Variants in FRAS1 observed in about 807,000 individuals in gnomAD.
FRAS1 encodes the protein Fraser extracellular matrix complex subunit 1, also known as extracellular matrix organizing protein FRAS1.
Under a neutral mutation model 435.2 loss-of-function variants are expected in FRAS1, and 290 were observed. The ratio of observed to expected loss-of-function variants is 0.67; its 90% CI spans 0.61 to 0.73. The LOEUF (loss-of-function observed/expected upper bound fraction) is 0.73, where lower values mean the gene tolerates loss of function less well. Ranked by LOEUF, FRAS1 falls within the 30% of genes least tolerant of loss-of-function variation. FRAS1 has a pLI of 0.00. For missense variants in FRAS1, 4,860 were observed against 5,001.5 expected (o/e 0.97, Z 0.85); for synonymous variants, 1,800 against 1,851.0 (o/e 0.97, Z 0.71).
chr4:78,240,863 A>G (rs1724972613), intron 3 of FRAS1, among the ~76,000 whole-genome samples: 1 of 152,204 alleles, frequency 6.6e-6, no homozygotes, highest in South Asian at 2.1e-4. Context: ...GTGAAAGGAA[A>G]GAAATGGTCA....
At position 78,421,954 on chromosome 4, in the gene FRAS1, C is replaced by T. The variant is rs527493855; in HGVS notation, c.4632C>T (p.Pro1544=). The T allele has an allele frequency of 8.1e-6, 13 of 1,613,694 alleles. No individual in the cohort carries two copies. In the Admixed American group the frequency reaches 1.8e-4, roughly 23 times the overall value. Residue 1544 remains proline, a synonymous_variant, in exon 34 of 74, where the codon CCC becomes CCT. Coordinates refer to ENST00000512123, the MANE Select transcript of FRAS1 (RefSeq NM_025074.7). Reference sequence around the variant, plus strand: ...AGGGCAAAGTCATGTACCGCCCTCCCCCGGCAGCACCCCACCTCCAGGAGC... The same window carrying T: ...AGGGCAAAGTCATGTACCGCCCTCCTCCGGCAGCACCCCACCTCCAGGAGC... ...INQGKVMYRP[P]PAAPHLQELM... is the part of the protein sequence containing the mutation.
chr4:78,238,573 G>T (rs1486593642), intron 3 of FRAS1, among the ~76,000 whole-genome samples: 5 of 152,120 alleles, frequency 3.3e-5, no homozygotes, highest in Admixed American at 6.5e-5. Flanking sequence ...CTTCATTTCT[G>T]CATGAGTGTA....
intron 19 of FRAS1, 21 bp from the exon 20 acceptor site, chr4:78,337,653 T>C: frequency 6.2e-7 from 1 of 1,607,466 alleles, no homozygotes; most frequent in Non-Finnish European, 8.5e-7. Context: ...ATTCCAATCC[T>C]GGTTTTCGTC....
chr4:78,424,351 G>A, intron 34 of FRAS1, 37 bp from the exon 35 acceptor site: 3 of 1,241,010 alleles, frequency 2.4e-6, no homozygotes, highest in East Asian at 5.5e-5. Context: ...TGATCCCAAA[G>A]TGTTTAATAT....
intron 2 of FRAS1, among the ~76,000 whole-genome samples, chr4:78,086,290 A>G (rs1274337744): frequency 6.6e-6 from 1 of 152,220 alleles, no homozygotes; most frequent in Non-Finnish European, 1.5e-5. Context: ...GTAGAGGGAA[A>G]TTTATAGCAC....
intron 22 of FRAS1, among the ~76,000 whole-genome samples, chr4:78,368,069 A>G (rs186711812): frequency 1.3e-5 from 2 of 152,106 alleles, no homozygotes; most frequent in African/African-American, 4.8e-5. Flanking sequence ...TCATTTTTGT[A>G]TTCACAAGTT....
intron 20 of FRAS1, among the ~76,000 whole-genome samples, chr4:78,341,603 G>C (rs1018308416): frequency 6.6e-6 from 1 of 152,158 alleles, no homozygotes; most frequent in Non-Finnish European, 1.5e-5. Flanking sequence ...AAAATGGTCT[G>C]AGTGGCAATT....
At chr4:78,249,820 AT>A (rs763760862) in intron 4 of FRAS1, among the ~76,000 whole-genome samples, 3 of 151,968 alleles carry the variant, frequency 2.0e-5, no homozygotes, top group Admixed American at 6.5e-5. Flanking sequence ...GTTATAATTA[AT>A]TTTTCTGGTC....
intron 2 of FRAS1, among the ~76,000 whole-genome samples, chr4:78,128,793 T>C (rs1210077617): frequency 7.2e-5 from 11 of 152,296 alleles, no homozygotes; most frequent in South Asian, 2.1e-4. Flanking sequence ...CTTTTGTTGC[T>C]GTTGCTTTTG....
In FRAS1 at chr4:78,541,321, T is replaced by G; in HGVS notation, c.*197T>G. On this transcript the variant is annotated 3_prime_UTR_variant, in exon 74 of 74. Transcript: ENST00000512123. ...CACTGAGAACCCCAGAGTATTACAGTTATTTCCGTAGATCCCTTTAATAGT... is the reference window on the plus strand; with the variant it reads ...CACTGAGAACCCCAGAGTATTACAGGTATTTCCGTAGATCCCTTTAATAGT... The G allele has an allele frequency of 2.5e-6, 1 of 402,552 alleles. No individual in the cohort carries two copies. The highest frequency in any genetic ancestry group is 4.4e-6 in the Non-Finnish European group (1 of 228,294). The allele number at this position is 402,552 out of a possible 1,614,324, so 24.9% of individuals were successfully genotyped here. A position where few individuals can be genotyped will look rare whatever the true frequency, so the allele number is the denominator to read the frequency against.
At chr4:78,422,076 C>T in intron 34 of FRAS1, 76 bp downstream of exon 34, 1 of 1,473,048 alleles carries the variant, frequency 6.8e-7, no homozygotes, top group Non-Finnish European at 9.1e-7. Context: ...CCTAACTCTC[C>T]CTGCAGTCCT....
At chr4:78,536,879 T>A (rs2109907945) in intron 71 of FRAS1, 116 bp from the exon 72 acceptor site, 2 of 700,160 alleles carry the variant, frequency 2.9e-6, no homozygotes, top group Middle Eastern at 7.2e-4. Context: ...ATGGAGCTCT[T>A]CATAGAAAAG....
At chr4:78,375,195 ATAC>A (rs1187007372) in intron 25 of FRAS1, among the ~76,000 whole-genome samples, 2 of 152,214 alleles carry the variant, frequency 1.3e-5, no homozygotes, top group Non-Finnish European at 2.9e-5. Flanking sequence ...ATACTATTAA[ATAC>A]TACTACTAAA....
intron 1 of FRAS1, among the ~76,000 whole-genome samples, chr4:78,061,875 T>C (rs965903797): frequency 3.9e-5 from 6 of 152,174 alleles, no homozygotes; most frequent in Non-Finnish European, 1.5e-5. Context: ...GCAGTAGGGA[T>C]ATGGGAACAT....
In FRAS1 at chr4:78,407,851, G is replaced by T. The variant is rs146718957; in HGVS notation, c.4308+10G>T. The T allele has an allele frequency of 1.2e-4, 190 of 1,578,428 alleles. 3 individuals carry two copies. In the East Asian group the frequency reaches 2.5e-3, roughly 21 times the overall value. Reference sequence around the variant, plus strand: ...CTCCTTCCGCTTCGAGGTACCCTCTGCTTCCTGACTTTTCTGAAGTCTGAT... The same window carrying T: ...CTCCTTCCGCTTCGAGGTACCCTCTTCTTCCTGACTTTTCTGAAGTCTGAT... On this transcript the variant is annotated intron_variant, in intron 31 of 73. Transcript: ENST00000512123.
intron 2 of FRAS1, among the ~76,000 whole-genome samples, chr4:78,098,807 A>G (rs1033428740): frequency 6.6e-6 from 1 of 152,250 alleles, no homozygotes; most frequent in African/African-American, 2.4e-5. Context: ...AATATTAATT[A>G]CTTCACTTCA....
At chr4:78,264,750 G>A (rs895098428) in intron 6 of FRAS1, 3 of 456,674 alleles carry the variant, frequency 6.6e-6, no homozygotes, top group Admixed American at 3.0e-5. Context: ...GTGCCTGGAA[G>A]ACACCAAGAA....
At chr4:78,264,764 TTA>T (rs1678031519) in intron 6 of FRAS1, 1 of 491,720 alleles carries the variant, frequency 2.0e-6, no homozygotes. Flanking sequence ...CCAAGAACCA[TTA>T]TTATTGTTAT....
intron 2 of FRAS1, among the ~76,000 whole-genome samples, chr4:78,114,725 T>G (rs1185417711): frequency 6.6e-6 from 1 of 152,252 alleles, no homozygotes; most frequent in African/African-American, 2.4e-5. Context: ...AAGGAGATTT[T>G]GGGCTGATAC....
Sources: allele counts gnomAD v4.1 joint callset (sites outside exome capture counted in the v4.1 genomes callset), GRCh38; gene constraint gnomAD v4.1.1; transcripts MANE v1.5; gene names NCBI Gene and HGNC (gene_info 2026-07-23, HGNC 2026-07-21).